The following SNX17 variants were observed in gnomAD, a reference collection of about 807,000 sequenced individuals.
The protein encoded by SNX17 is sorting nexin 17.
Under a neutral mutation model 64.3 loss-of-function variants are expected in SNX17, and 35 were observed. The ratio of observed to expected loss-of-function variants is 0.54; its 90% CI spans 0.42 to 0.72. The LOEUF is 0.72. SNX17 is among the 30% of genes least tolerant of loss of function. SNX17 has a pLI of 0.00. For synonymous variants in SNX17, 259 were observed against 230.2 expected, an observed-to-expected ratio of 1.13 and a Z score of -1.13; for missense variants, 538 against 610.0, an observed-to-expected ratio of 0.88 and a Z score of 1.24.
In SNX17 at chr2:27,375,582, A is replaced by G; in HGVS notation, c.851A>G (p.Lys284Arg). ...FDACVADFPE[K>R]DCPVVVSAGN... ...GCCTGTGTGGCTGACTTCCCAGAAA[A>G]GGACTGTCCTGTGGTGGTGAGCGCG... The change falls in exon 10 of 15, where the codon AAG (lysine) becomes AGG (arginine). Residue 284 changes from lysine (K) to arginine (R), a missense_variant. Physicochemically the swap from Lys to Arg is conservative, Grantham distance 26 (BLOSUM62 2). Transcript: ENST00000233575. This position sits in a 1 kb window ranked among gnomAD's most constrained non-coding sequence, Gnocchi z 4.1. The G allele has an allele frequency of 6.2e-7, 1 of 1,614,164 alleles. No individual in the cohort carries two copies. Among genetic ancestry groups the G allele is most frequent in the South Asian group, 1.1e-5 (1 of 91,082 alleles).
In SNX17 at chr2:27,376,147, A is replaced by G. The variant is rs375550284; in HGVS notation, c.1146A>G (p.Glu382=). The G allele has an allele frequency of 1.9e-6, 3 of 1,614,030 alleles. No homozygotes were observed. The African/African-American group carries it at 4.0e-5, about 22-fold the overall frequency. Residue 382 remains glutamate (E), a synonymous_variant, in exon 12 of 15, where the codon GAA becomes GAG. Coordinates refer to ENST00000233575, the MANE Select transcript of SNX17 (RefSeq NM_014748.4). ...MSICLQSMVD[E]LMVKKSGGSI... is the part of the protein sequence containing the mutation. ...TCTGCTTGCAGTCCATGGTTGATGA[A>G]CTGATGGTGAAGAAATCTGGCGGCA...
At position 27,377,530 on chromosome 2, in the gene SNX17, G is replaced by A. The variant is rs377145066; in HGVS notation, c.*811G>A. 348 of 1,613,352 alleles carry A rather than the reference G, an allele frequency of 2.2e-4. 1 individual carries two copies. Among genetic ancestry groups the A allele is most frequent in the South Asian group, 1.6e-3 (144 of 91,072 alleles). On this transcript the variant is annotated 3_prime_UTR_variant, in exon 15 of 15. Coordinates refer to ENST00000233575, the MANE Select transcript of SNX17 (RefSeq NM_014748.4). The surrounding 1 kb of genome is among the most constrained non-coding windows in gnomAD (Gnocchi z 4.4). Reference sequence around the variant, plus strand: ...CTGGTCCGTCTGTATAAAACATGGGGAAGAAGGACCTAGTTCAGGATGAGT... The same window carrying A: ...CTGGTCCGTCTGTATAAAACATGGGAAAGAAGGACCTAGTTCAGGATGAGT...
In SNX17 at chr2:27,376,896, A is replaced by C; in HGVS notation, c.*177A>C. 1.6e-6 allele frequency: 1 copy of C among 608,770 alleles called. No individual in the cohort carries two copies. Among genetic ancestry groups the C allele is most frequent in the Middle Eastern group, 4.4e-4 (1 of 2,262 alleles). 37.7% of individuals were successfully genotyped at this position (608,770 alleles called of 1,614,324 possible). A position where few individuals can be genotyped will look rare whatever the true frequency, so the allele number is the denominator to read the frequency against. On this transcript the variant is annotated 3_prime_UTR_variant, in exon 15 of 15. Transcript: ENST00000233575. Reference sequence around the variant, plus strand: ...TTTCCTTGTCCCCTGGGCTGGCTGCACAGAGGATTGCCCCTTCTCTTTTCA... The same window carrying C: ...TTTCCTTGTCCCCTGGGCTGGCTGCCCAGAGGATTGCCCCTTCTCTTTTCA...
rs1323727334 is a variant in SNX17 at position 27,373,876 on chromosome 2, C to A, written c.337C>A (p.Pro113Thr). ...RRAQQETQQV[P>T]TEEVSLEVLL... Reference sequence around the variant, plus strand: ...CTCACAACAGGAGACACAGCAGGTCCCCACAGAGGAAGTGTCCTTGGAAGT... The same window carrying A: ...CTCACAACAGGAGACACAGCAGGTCACCACAGAGGAAGTGTCCTTGGAAGT... Residue 113 changes from proline (P) to threonine (T), a missense_variant, in exon 5 of 15, where the codon CCC (proline) becomes ACC (threonine). By Grantham distance (38) the Pro-to-Thr change is conservative. Coordinates refer to ENST00000233575, the MANE Select transcript of SNX17 (RefSeq NM_014748.4). 1.9e-6 allele frequency: 3 copies of A among 1,613,318 alleles called. No individual in the cohort carries two copies. Among genetic ancestry groups the A allele is most frequent in the East Asian group, 2.2e-5 (1 of 44,882 alleles).
At chr2:27,374,455 G>T in intron 7 of SNX17, 22 bp downstream of exon 7, 1 of 1,586,348 alleles carries the variant, frequency 6.3e-7, no homozygotes, top group Non-Finnish European at 8.7e-7. Context: ...GCCTGGAAGG[G>T]GAGGGGTGGG....
chr2:27,375,605 G>C lies in SNX17; in HGVS notation c.874G>C (p.Ala292Pro). 1 of 1,614,184 alleles carries C rather than the reference G, an allele frequency of 6.2e-7. No individual in the cohort carries two copies. The highest frequency in any genetic ancestry group is 8.5e-7 in the Non-Finnish European group (1 of 1,180,020). Residue 292 changes from alanine (A) to proline (P), a missense_variant, in exon 10 of 15, where the codon GCG becomes CCG. Around this residue, in one of 3 missense-constraint regions of SNX17, gnomAD observed 505 missense variants for 550.4 expected, o/e 0.92. Transcript: ENST00000233575. The surrounding 1 kb of genome is among the most constrained non-coding windows in gnomAD (Gnocchi z 4.1). The stretch of plus-strand genomic sequence containing the variant: ...AAAGGACTGTCCTGTGGTGGTGAGC[G>C]CGGGCAACAGTGAGCTCAGCCTGCA... ...PEKDCPVVVS[A>P]GNSELSLQLR...
rs1466351923 is a variant in SNX17 at position 27,374,081 on chromosome 2, C to T, written c.433-4C>T. 1.2e-6 allele frequency: 2 copies of T among 1,613,850 alleles called. No homozygotes were observed. Among genetic ancestry groups the T allele is most frequent in the East Asian group, 2.2e-5 (1 of 44,898 alleles). ...ATGAGCTGTACTTCTATCCCTATCC[C>T]CAGGCTGTAGCTGCAAAGCTGGATC... On this transcript the variant is annotated splice_region_variant and splice_polypyrimidine_tract_variant and intron_variant, in intron 5 of 14. Transcript: ENST00000233575.
chr2:27,375,287 C>A lies in SNX17; in HGVS notation c.774+134C>A. 4 of 903,362 alleles carry A rather than the reference C, an allele frequency of 4.4e-6. No individual in the cohort carries two copies. The highest frequency in any genetic ancestry group is 6.7e-6 in the Non-Finnish European group (4 of 592,674). The allele number at this position is 903,362 out of a possible 1,614,324, so 56.0% of individuals were successfully genotyped here. On this transcript the variant is annotated intron_variant, in intron 9 of 14. Coordinates refer to ENST00000233575, the MANE Select transcript of SNX17 (RefSeq NM_014748.4). The surrounding 1 kb of genome is among the most constrained non-coding windows in gnomAD (Gnocchi z 4.1). ...CCGAGTAGCTGGGACTACAGGCACC[C>A]GCCACGACGCCCGGCTAATTTTTTG... is the stretch of plus-strand genomic sequence containing the variant.
chr2:27,373,550 A>T, intron 4 of SNX17: 1 of 539,476 alleles, frequency 1.9e-6, no homozygotes, highest in Non-Finnish European at 3.3e-6. Context: ...TTTAGTGGAG[A>T]CGGGGTTTTG....
At position 27,372,904 on chromosome 2, in the gene SNX17, A is replaced by C. The variant is rs542940522; in HGVS notation, c.256+164A>C. Reference sequence around the variant, plus strand: ...AGTAAATAGTGTACGAGGATGTGTAACTCTGTGTACTAGCAAAACAATTTG... The same window carrying C: ...AGTAAATAGTGTACGAGGATGTGTACCTCTGTGTACTAGCAAAACAATTTG... On this transcript the variant is annotated intron_variant, in intron 3 of 14. Coordinates refer to ENST00000233575, the MANE Select transcript of SNX17 (RefSeq NM_014748.4). The C allele has an allele frequency of 8.2e-6, 10 of 1,225,230 alleles. No homozygotes were observed. The Admixed American group carries it at 1.8e-4, about 22-fold the overall frequency. 75.9% of individuals were successfully genotyped at this position (1,225,230 alleles called of 1,614,324 possible).
rs777436173 is a variant in SNX17 at position 27,373,325 on chromosome 2, T to C, written c.321+14T>C. ...CGGGCACAACAGGTAGGGCTTTGGG[T>C]GGGACCAAGATTTAAGGAAAGGACC... On this transcript the variant is annotated intron_variant, in intron 4 of 14. Coordinates refer to ENST00000233575, the MANE Select transcript of SNX17 (RefSeq NM_014748.4). 36 of 1,613,890 alleles carry C rather than the reference T, an allele frequency of 2.2e-5. No individual in the cohort carries two copies. Among genetic ancestry groups the C allele is most frequent in the Non-Finnish European group, 3.0e-5 (35 of 1,179,898 alleles).
chr2:27,376,092 C>T lies in SNX17; in HGVS notation c.1105-14C>T, dbSNP rs746470085. 6.2e-7 allele frequency: 1 copy of T among 1,614,122 alleles called. No individual in the cohort carries two copies. The highest frequency in any genetic ancestry group is 1.3e-5 in the African/African-American group (1 of 75,038). On this transcript the variant is annotated splice_polypyrimidine_tract_variant and intron_variant, in intron 11 of 14. Transcript: ENST00000233575. ...GACCACTCTCATCAAGCTGGACACT[C>T]TTCTTGCCCTCAGGCTATCATGATG...
rs138934796 is a variant in SNX17, at chr2:27,376,448, GT to G, written c.1258-28del. On this transcript the variant is annotated intron_variant, in intron 13 of 14. Transcript: ENST00000233575. ...AGCCCTGCCTCACCTCTCCTAGTGA[GT>G]TTCTGACACCTCTGCCTCTTCTTCC... The G allele has an allele frequency of 2.6e-3, 4,177 of 1,614,126 alleles. 86 individuals are homozygous for G. In the African/African-American group the frequency reaches 0.044, roughly 17 times the overall value.
rs1327152530 is a variant in SNX17, at chr2:27,370,618, T to G, written c.-126T>G. On this transcript the variant is annotated 5_prime_UTR_variant, in exon 1 of 15. Coordinates refer to ENST00000233575, the MANE Select transcript of SNX17 (RefSeq NM_014748.4). ...ACCGACGTCCCACCGCCTTCCCACATCGGATCGCAGGGCTCCCAAAATGGC... is the reference window on the plus strand; with the variant it reads ...ACCGACGTCCCACCGCCTTCCCACAGCGGATCGCAGGGCTCCCAAAATGGC... 2.1e-6 allele frequency: 3 copies of G among 1,452,360 alleles called. No homozygotes were observed. The highest frequency in any genetic ancestry group is 2.7e-6 in the Non-Finnish European group (3 of 1,102,494). The allele number at this position is 1,452,360 out of a possible 1,614,324, so 90.0% of individuals were successfully genotyped here.
In SNX17 at chr2:27,373,920, G is replaced by C. The variant is rs761070637; in HGVS notation, c.381G>C (p.Gln127His). The change falls in exon 5 of 15, where the codon CAG (glutamine) becomes CAC (histidine). Residue 127 changes from glutamine (Q) to histidine (H), a missense_variant. This residue lies in a region of SNX17 where 505 missense variants were observed against 550.4 expected (regional missense o/e 0.92). Coordinates refer to ENST00000233575, the MANE Select transcript of SNX17 (RefSeq NM_014748.4). The stretch of plus-strand genomic sequence containing the variant: ...TGGAAGTGCTGCTCAGCAACGGGCA[G>C]AAAGTTCTGGTCAACGTGCTAACTT... ...VSLEVLLSNG[Q>H]KVLVNVLTSD... 1 of 1,614,188 alleles carries C rather than the reference G, an allele frequency of 6.2e-7. No individual in the cohort carries two copies. Among genetic ancestry groups the C allele is most frequent in the Non-Finnish European group, 8.5e-7 (1 of 1,180,042 alleles).
chr2:27,371,204 C>T, intron 1 of SNX17, 65 bp from the exon 2 acceptor site: 1 of 1,465,624 alleles, frequency 6.8e-7, no homozygotes, highest in Non-Finnish European at 9.5e-7. Flanking sequence ...AACTTCCGGC[C>T]AGGGTTCTCA....
intron 11 of SNX17, 33 bp from the exon 12 acceptor site, chr2:27,376,071 ACT>A (rs766993690): frequency 3.6e-5 from 58 of 1,613,780 alleles, no homozygotes; most frequent in Non-Finnish European, 4.8e-5. Flanking sequence ...CAGAGTGACC[ACT>A]CTCATCAAGC....
In SNX17 at chr2:27,375,754, C is replaced by T; in HGVS notation, c.978+45C>T. Reference sequence around the variant, plus strand: ...GGAAGGGCCTGGGTTGGGGGCCCGGCAAGCCTTGAGCTTAGGTATGGGCTG... The same window carrying T: ...GGAAGGGCCTGGGTTGGGGGCCCGGTAAGCCTTGAGCTTAGGTATGGGCTG... On this transcript the variant is annotated intron_variant, in intron 10 of 14. Transcript: ENST00000233575. This position sits in a 1 kb window ranked among gnomAD's most constrained non-coding sequence, Gnocchi z 4.1. 6.2e-7 allele frequency: 1 copy of T among 1,611,714 alleles called. No homozygotes were observed. Among genetic ancestry groups the T allele is most frequent in the Non-Finnish European group, 8.5e-7 (1 of 1,179,016 alleles).
At chr2:27,373,351 T>C (rs199838898) in intron 4 of SNX17, 40 bp downstream of exon 4, 351 of 1,602,724 alleles carry the variant, frequency 2.2e-4, no homozygotes, top group Non-Finnish European at 1.3e-4. Context: ...GGAAAGGACC[T>C]TGCTGGAAGG....
Sources: allele counts gnomAD v4.1 joint callset, GRCh38; gene constraint gnomAD v4.1.1; regional missense constraint gnomAD v4.1.1; non-coding constraint Gnocchi (gnomAD v3.1); transcripts MANE v1.5; gene names NCBI Gene and HGNC (gene_info 2026-07-23, HGNC 2026-07-21).